Variants in SYT14 observed in about 807,000 individuals in gnomAD.
SYT14 encodes synaptotagmin 14.
A neutral mutation model predicts 74.2 loss-of-function variants in SYT14; 32 were observed. That is an observed-to-expected ratio of 0.43 (90% CI 0.33 to 0.58). The LOEUF is 0.58. SYT14 is among the 20% of genes least tolerant of loss of function. SYT14 has a pLI of 0.05. For synonymous variants in SYT14, 298 were observed against 337.7 expected, an observed-to-expected ratio of 0.88 and a Z score of 1.29; for missense variants, 791 against 981.8, an observed-to-expected ratio of 0.81 and a Z score of 2.60.
At chr1:210,054,779 T>C (rs1288857878) in intron 5 of SYT14, among the ~76,000 whole-genome samples, 2 of 152,200 alleles carry the variant, frequency 1.3e-5, no homozygotes, top group Non-Finnish European at 1.5e-5. Context: ...TTGAGAAGTG[T>C]GATATACTGC....
chr1:209,938,409 G>A, intron 1 of SYT14, 132 bp downstream of exon 1: 2 of 848,908 alleles, frequency 2.4e-6, no homozygotes, highest in East Asian at 3.6e-5. Context: ...AGACGCGCGG[G>A]GGTCCTGGCC....
intron 5 of SYT14, among the ~76,000 whole-genome samples, chr1:210,065,299 A>G (rs1031965460): frequency 3.3e-5 from 5 of 152,012 alleles, no homozygotes; most frequent in South Asian, 2.1e-4. Flanking sequence ...TAATTTAATC[A>G]TGGGGGCGGT....
At chr1:210,025,264 A>C (rs1312484537) in intron 5 of SYT14, among the ~76,000 whole-genome samples, 1 of 152,142 alleles carries the variant, frequency 6.6e-6, no homozygotes, top group African/African-American at 2.4e-5. Flanking sequence ...ACCTAAGAGA[A>C]CTGCTGGGCA....
chr1:209,950,943 T>A (rs187676740), intron 1 of SYT14, among the ~76,000 whole-genome samples: 27 of 152,310 alleles, frequency 1.8e-4, no homozygotes, highest in Admixed American at 1.7e-3. Context: ...AATGACATGA[T>A]TCTGAGTGAA....
intron 5 of SYT14, 91 bp from the exon 5 acceptor site, chr1:210,094,231 C>T: frequency 6.4e-7 from 1 of 1,553,302 alleles, no homozygotes; most frequent in Non-Finnish European, 8.8e-7. Context: ...ATTTTTTGAT[C>T]CAGTTTTCAA....
At chr1:210,026,291 T>C (rs1368032446) in intron 5 of SYT14, among the ~76,000 whole-genome samples, 2 of 152,116 alleles carry the variant, frequency 1.3e-5, no homozygotes, top group African/African-American at 4.8e-5. Context: ...GGTTCGTGGA[T>C]ATCCCATTTA....
intron 2 of SYT14, among the ~76,000 whole-genome samples, chr1:209,956,567 AT>A (rs2078996625): frequency 6.6e-6 from 1 of 152,192 alleles, no homozygotes; most frequent in Admixed American, 6.5e-5. Flanking sequence ...CATGTCAATA[AT>A]TCAGTCACAG....
At chr1:209,943,727 CTTTATTCT>C (rs1334218809) in intron 1 of SYT14, among the ~76,000 whole-genome samples, 1 of 151,896 alleles carries the variant, frequency 6.6e-6, no homozygotes, top group Non-Finnish European at 1.5e-5. Flanking sequence ...ATTTAGCTGA[CTTTATTCT>C]TTTATTCTTT....
chr1:210,033,725 T>C (rs755852723), intron 5 of SYT14, among the ~76,000 whole-genome samples: 1 of 151,808 alleles, frequency 6.6e-6, no homozygotes, highest in Non-Finnish European at 1.5e-5. Flanking sequence ...CTTTTAGCTT[T>C]TTATAATTTA....
intron 5 of SYT14, among the ~76,000 whole-genome samples, chr1:210,084,440 T>G (rs957092249): frequency 3.3e-5 from 5 of 152,214 alleles, no homozygotes; most frequent in African/African-American, 1.2e-4. Context: ...GATTTAGTTC[T>G]CGATTCTGTC....
intron 5 of SYT14, among the ~76,000 whole-genome samples, chr1:210,032,048 G>T (rs1361351215): frequency 6.6e-6 from 1 of 152,048 alleles, no homozygotes. Context: ...AGTAATACCT[G>T]GTGGAGCATT....
intron 5 of SYT14, among the ~76,000 whole-genome samples, chr1:210,045,202 A>T (rs2080862563): frequency 6.6e-6 from 1 of 152,220 alleles, no homozygotes; most frequent in East Asian, 1.9e-4. Context: ...TTAATTCATC[A>T]GTGTAAGTTA....
chr1:210,161,589 A>G, exon 10 of SYT14: 1 of 454,040 alleles, frequency 2.2e-6, no homozygotes, highest in Non-Finnish European at 4.4e-6. Context: ...CCCTTTGTGC[A>G]CTTAGGTTCA....
chr1:209,985,468 G>A (rs1183575861), intron 2 of SYT14, among the ~76,000 whole-genome samples: 1 of 152,246 alleles, frequency 6.6e-6, no homozygotes, highest in Admixed American at 6.5e-5. Context: ...GGCTTTTTAG[G>A]GGGTCAGCCC....
chr1:210,032,654 TAA>T (rs34354853), intron 5 of SYT14, among the ~76,000 whole-genome samples: 1 of 145,458 alleles, frequency 6.9e-6, no homozygotes, highest in African/African-American at 2.5e-5. Context: ...TAGTACCCAG[TAA>T]AAAAAAAAAA....
At chr1:210,131,869 A>G (rs1057200412) in intron 7 of SYT14, among the ~76,000 whole-genome samples, 6 of 152,134 alleles carry the variant, frequency 3.9e-5, no homozygotes, top group African/African-American at 1.4e-4. Flanking sequence ...CTCCTCCTGC[A>G]TGAAGTCCTC....
intron 7 of SYT14, among the ~76,000 whole-genome samples, chr1:210,109,019 TTAGA>T (rs1431475880): frequency 6.6e-6 from 1 of 152,118 alleles, no homozygotes; most frequent in Non-Finnish European, 1.5e-5. Context: ...GGCTAGGTTC[TTAGA>T]TAGGCTGAGT....
exon 4 of SYT14, chr1:210,016,901 A>G: frequency 8.1e-7 from 1 of 1,231,786 alleles, no homozygotes; most frequent in East Asian, 3.2e-5. Flanking sequence ...GAAATCTATT[A>G]TAAAAGAAGA....
At chr1:210,098,686 G>GT (rs201322057) in intron 6 of SYT14, among the ~76,000 whole-genome samples, 15,591 of 144,748 alleles carry the variant, frequency 0.11, 1,028 homozygotes, top group Non-Finnish European at 0.14. Flanking sequence ...TGTGGACAGT[G>GT]TTTTTTTTTT....
Sources: gnomAD v4.1 joint callset for allele counts (sites outside exome capture counted in the v4.1 genomes callset) on GRCh38, gnomAD v4.1.1 for gene constraint, MANE v1.5 for transcripts, NCBI Gene and HGNC (gene_info 2026-07-23, HGNC 2026-07-21) for gene names.